Variants in PACRG observed in about 807,000 individuals in gnomAD.
The protein encoded by PACRG is parkin coregulated.
A neutral mutation model predicts 29.7 loss-of-function variants in PACRG; 29 were observed. The ratio of observed to expected loss-of-function variants is 0.98; its 90% CI spans 0.73 to 1.33. The LOEUF is 1.33. Among genes scored for constraint, PACRG ranks in the 40% most tolerant of loss-of-function variants. The pLI, the probability that PACRG is intolerant of heterozygous loss-of-function variation, is 0.00. For missense variants in PACRG, 279 were observed against 316.2 expected, an observed-to-expected ratio of 0.88 and a Z score of 0.89; for synonymous variants, 116 against 118.7, an observed-to-expected ratio of 0.98 and a Z score of 0.15.
chr6:162,972,451 G>T (rs928312024), intron 2 of PACRG, among the ~76,000 whole-genome samples: 2 of 151,916 alleles, frequency 1.3e-5, no homozygotes, highest in Non-Finnish European at 2.9e-5. Flanking sequence ...CCCCATAGTC[G>T]ACTATGATCT....
At chr6:163,014,414 T>A (rs570216187) in intron 2 of PACRG, among the ~76,000 whole-genome samples, 34 of 152,352 alleles carry the variant, frequency 2.2e-4, no homozygotes, top group African/African-American at 7.7e-4. Flanking sequence ...TGTTTTAAAT[T>A]CTTGGAAAAA....
At chr6:163,058,556 T>A (rs1810797821) in intron 2 of PACRG, among the ~76,000 whole-genome samples, 1 of 151,724 alleles carries the variant, frequency 6.6e-6, no homozygotes, top group African/African-American at 2.4e-5. Context: ...GTGGATCACC[T>A]AAGGCCAGGT....
At chr6:163,193,691 T>G (rs1416662379) in intron 4 of PACRG, among the ~76,000 whole-genome samples, 1 of 152,038 alleles carries the variant, frequency 6.6e-6, no homozygotes, top group East Asian at 1.9e-4. Context: ...CTCGACAAAT[T>G]TTCCTCAGAG....
intron 2 of PACRG, among the ~76,000 whole-genome samples, chr6:162,899,087 G>T (rs1231654423): frequency 6.6e-6 from 1 of 152,198 alleles, no homozygotes; most frequent in African/African-American, 2.4e-5. Flanking sequence ...AGGTTATATT[G>T]TAGTACACCA....
At chr6:163,206,223 A>G (rs187311740) in intron 4 of PACRG, among the ~76,000 whole-genome samples, 2 of 152,188 alleles carry the variant, frequency 1.3e-5, no homozygotes, top group African/African-American at 2.4e-5. Flanking sequence ...ATATACCTGA[A>G]GTAATATAAA....
At chr6:162,756,111 A>G (rs1334963543) in intron 1 of PACRG, among the ~76,000 whole-genome samples, 1 of 152,186 alleles carries the variant, frequency 6.6e-6, no homozygotes, top group Non-Finnish European at 1.5e-5. Context: ...AGAAAAATGT[A>G]TATTCTGCTC....
At chr6:163,260,951 A>G (rs1783301691) in intron 4 of PACRG, among the ~76,000 whole-genome samples, 1 of 151,988 alleles carries the variant, frequency 6.6e-6, no homozygotes, top group Non-Finnish European at 1.5e-5. Flanking sequence ...TTTAATATGG[A>G]AAATCACCTA....
At chr6:163,063,782 T>C (rs563643217) in intron 3 of PACRG, among the ~76,000 whole-genome samples, 1 of 152,216 alleles carries the variant, frequency 6.6e-6, no homozygotes, top group African/African-American at 2.4e-5. Flanking sequence ...GAAAAGAGAC[T>C]CTGAAAAGGG....
intron 4 of PACRG, among the ~76,000 whole-genome samples, chr6:163,225,266 G>A (rs574739192): frequency 6.6e-6 from 1 of 152,328 alleles, no homozygotes; most frequent in East Asian, 1.9e-4. Context: ...ATCCCCACAT[G>A]TCTAGGGAGA....
intron 4 of PACRG, among the ~76,000 whole-genome samples, chr6:163,091,664 C>T (rs1298672947): frequency 6.6e-6 from 1 of 152,114 alleles, no homozygotes; most frequent in African/African-American, 2.4e-5. Context: ...AAAATTGGAG[C>T]ATTCTAGCTA....
intron 2 of PACRG, among the ~76,000 whole-genome samples, chr6:162,966,190 ACTAATCTTATTTC>A (rs1392174950): frequency 6.6e-6 from 1 of 152,266 alleles, no homozygotes; most frequent in African/African-American, 2.4e-5. Flanking sequence ...GAAACAAGTA[ACTAATCTTATTTC>A]CTAAGACATC....
intron 2 of PACRG, chr6:162,997,501 G>T: frequency 2.3e-6 from 1 of 441,900 alleles, no homozygotes; most frequent in Non-Finnish European, 4.5e-6. Context: ...GTCTTCCAAT[G>T]AATAGCAGAA....
intron 4 of PACRG, among the ~76,000 whole-genome samples, chr6:163,234,367 G>C (rs922359142): frequency 2.0e-5 from 3 of 152,076 alleles, no homozygotes; most frequent in Non-Finnish European, 4.4e-5. Context: ...TTGTTGAAAA[G>C]AACCTGGCAG....
intron 2 of PACRG, among the ~76,000 whole-genome samples, chr6:162,830,262 G>A (rs1455622301): frequency 1.3e-5 from 2 of 152,082 alleles, no homozygotes; most frequent in Non-Finnish European, 2.9e-5. Flanking sequence ...CAGCCAGACT[G>A]GAATCAGGTG....
intron 4 of PACRG, among the ~76,000 whole-genome samples, chr6:163,193,464 G>C (rs1780308044): frequency 6.6e-6 from 1 of 152,130 alleles, no homozygotes; most frequent in African/African-American, 2.4e-5. Context: ...GATTAAGTGT[G>C]GAAAACTATC....
chr6:162,993,653 T>C (rs1460928898), intron 2 of PACRG, among the ~76,000 whole-genome samples: 1 of 33,710 alleles, frequency 3.0e-5, no homozygotes, highest in African/African-American at 1.5e-4. Flanking sequence ...GTGAGATGGG[T>C]TTCCTGAATA....
In PACRG at chr6:163,022,015, G is replaced by A. The variant is rs142787771; in HGVS notation, c.292-40135G>A. 5.3e-5 allele frequency among the ~76,000 whole-genome samples: 8 copies of A among 152,270 alleles called. No individual in the cohort carries two copies. In the East Asian group the frequency reaches 1.2e-3, roughly 22 times the overall value. On this transcript the variant is annotated intron_variant, in intron 2 of 4. Coordinates refer to ENST00000366888, the MANE Select transcript of PACRG (RefSeq NM_001080379.2). ...AAAGTAGTGATGCACAGCCGACCAC[G>A]GACCCCCTGCTGGGAGGCAGTCTCC...
intron 4 of PACRG, among the ~76,000 whole-genome samples, chr6:163,134,900 A>T (rs1816867047): frequency 6.6e-6 from 1 of 152,204 alleles, no homozygotes; most frequent in African/African-American, 2.4e-5. Flanking sequence ...GGGGAAAAAA[A>T]CATTTCGAAT....
intron 1 of PACRG, among the ~76,000 whole-genome samples, chr6:162,773,609 G>A (rs1221939191): frequency 1.4e-5 from 2 of 145,372 alleles, no homozygotes; most frequent in Admixed American, 7.1e-5. Flanking sequence ...CCGCTTCCCG[G>A]GTTCACGCCA....
Sources: allele counts gnomAD v4.1 joint callset (sites outside exome capture counted in the v4.1 genomes callset), GRCh38; gene constraint gnomAD v4.1.1; transcripts MANE v1.5; gene names NCBI Gene and HGNC (gene_info 2026-07-23, HGNC 2026-07-21).